The following AGPAT4 variants were observed in gnomAD, a reference collection of about 807,000 sequenced individuals.
The protein encoded by AGPAT4 is 1-acyl-sn-glycerol-3-phosphate acyltransferase delta.
A neutral mutation model predicts 48.0 loss-of-function variants in AGPAT4; 15 were observed. The ratio of observed to expected loss-of-function variants is 0.31; its 90% CI spans 0.21 to 0.48. The LOEUF (loss-of-function observed/expected upper bound fraction) is 0.48. Ranked by LOEUF, AGPAT4 falls within the 20% of genes least tolerant of loss-of-function variation. The pLI is 0.99. For missense variants in AGPAT4, 314 were observed against 482.5 expected (o/e 0.65, Z 3.27); for synonymous variants, 178 against 198.7 (o/e 0.90, Z 0.88).
chr6:161,224,972 G>C (rs142278437), intron 2 of AGPAT4, among the ~76,000 whole-genome samples: 2 of 152,134 alleles, frequency 1.3e-5, no homozygotes, highest in Admixed American at 6.5e-5. Flanking sequence ...AAAGCAACCT[G>C]TTTCGATTAC....
At chr6:161,186,960 A>T (rs1396546864) in intron 2 of AGPAT4, among the ~76,000 whole-genome samples, 2 of 152,098 alleles carry the variant, frequency 1.3e-5, no homozygotes, top group Non-Finnish European at 2.9e-5. Context: ...TCTCTCTTCA[A>T]CTCGCCTGAA....
intron 2 of AGPAT4, among the ~76,000 whole-genome samples, chr6:161,224,173 C>T (rs10455876): frequency 0.11 from 16,157 of 152,122 alleles, 1,126 homozygotes; most frequent in Non-Finnish European, 0.16. Flanking sequence ...TTTGTTGTTG[C>T]TTGTTTGTTT....
At position 161,202,343 on chromosome 6, in the gene AGPAT4, G is replaced by A. The variant is rs1284408378; in HGVS notation, c.178+29693C>T. Among the ~76,000 whole-genome samples the A allele has an allele frequency of 1.3e-5, 2 of 152,002 alleles. No homozygotes were observed. The highest frequency in any genetic ancestry group is 2.9e-5 in the Non-Finnish European group (2 of 68,016). ...TTCCTCTTCTCATGGGCCCGTCTGA[G>A]TGATGCCTGAATGTCTTCATGCTTG... On this transcript the variant is annotated intron_variant, in intron 2 of 8. Transcript: ENST00000320285. The surrounding 1 kb of genome is among the most constrained non-coding windows in gnomAD (Gnocchi z 5.4).
intron 5 of AGPAT4, among the ~76,000 whole-genome samples, chr6:161,150,127 A>G (rs1214866718): frequency 6.6e-6 from 1 of 152,240 alleles, no homozygotes; most frequent in Non-Finnish European, 1.5e-5. Flanking sequence ...GATTGTAGTC[A>G]GTTGAAGCTT....
intron 2 of AGPAT4, among the ~76,000 whole-genome samples, chr6:161,205,222 G>T (rs1199853311): frequency 2.6e-5 from 4 of 152,142 alleles, no homozygotes; most frequent in African/African-American, 9.7e-5. Context: ...CAGAGAGTGG[G>T]CATGCACATC....
intron 2 of AGPAT4, among the ~76,000 whole-genome samples, chr6:161,185,505 T>C (rs1441427237): frequency 2.0e-5 from 3 of 152,182 alleles, no homozygotes; most frequent in African/African-American, 4.8e-5. Context: ...TGTGGGGTGA[T>C]ATTTCATGAC....
intron 2 of AGPAT4, among the ~76,000 whole-genome samples, chr6:161,205,761 T>TAATAACAACAAC (rs71004032): frequency 6.0e-5 from 9 of 149,040 alleles, no homozygotes; most frequent in African/African-American, 2.0e-4. Context: ...ATAATAATAA[T>TAATAACAACAAC]AACAACAAAC....
Position 161,143,983 on chromosome 6 carries a change from C to T in AGPAT4, c.843+2541G>A, listed in dbSNP as rs1779334434. Reference sequence around the variant, plus strand: ...CAACAGAACTGTCTTTTGACATACACCACACTTCTGACTGCAAGGTTGATC... The same window carrying T: ...CAACAGAACTGTCTTTTGACATACATCACACTTCTGACTGCAAGGTTGATC... On this transcript the variant is annotated intron_variant, in intron 7 of 8. Transcript: ENST00000320285. This position sits in a 1 kb window ranked among gnomAD's most constrained non-coding sequence, Gnocchi z 4.7. 3 of 365,388 alleles carry T rather than the reference C, an allele frequency of 8.2e-6. No individual in the cohort carries two copies. Among genetic ancestry groups the T allele is most frequent in the Non-Finnish European group, 1.7e-5 (3 of 179,046 alleles). The allele number at this position is 365,388 out of a possible 1,614,324, so 22.6% of individuals were successfully genotyped here.
In AGPAT4 at chr6:161,240,786, C is replaced by G. The variant is rs970806272; in HGVS notation, c.-89-8484G>C. 6.6e-6 allele frequency among the ~76,000 whole-genome samples: 1 copy of G among 152,170 alleles called. No homozygotes were observed. The highest frequency in any genetic ancestry group is 6.5e-5 in the Admixed American group (1 of 15,274). ...GCCAAAGTCTCCACCAGGGCGGCAACTAACTTGTACAGGTCTGAGGAACGT... is the reference window on the plus strand; with the variant it reads ...GCCAAAGTCTCCACCAGGGCGGCAAGTAACTTGTACAGGTCTGAGGAACGT... On this transcript the variant is annotated intron_variant, in intron 1 of 8. Transcript: ENST00000320285. The surrounding 1 kb of genome is among the most constrained non-coding windows in gnomAD (Gnocchi z 5.5).
Position 161,154,479 on chromosome 6 carries a change from C to A in AGPAT4, c.349-169G>T, listed in dbSNP as rs1779707242. Among the ~76,000 whole-genome samples the A allele has an allele frequency of 6.6e-6, 1 of 152,214 alleles. No homozygotes were observed. Among genetic ancestry groups the A allele is most frequent in the Non-Finnish European group, 1.5e-5 (1 of 68,034 alleles). On this transcript the variant is annotated intron_variant, in intron 3 of 8. Coordinates refer to ENST00000320285, the MANE Select transcript of AGPAT4 (RefSeq NM_020133.3). This position sits in a 1 kb window ranked among gnomAD's most constrained non-coding sequence, Gnocchi z 7.8. Reference sequence around the variant, plus strand: ...CCATGGACCCTGGTGCCCTCCCCACCTTTCAGCTAGAGGTCCAGGTTGTGC... The same window carrying A: ...CCATGGACCCTGGTGCCCTCCCCACATTTCAGCTAGAGGTCCAGGTTGTGC...
In AGPAT4 at chr6:161,155,587, A is replaced by G. The variant is rs1379379787; in HGVS notation, c.349-1277T>C. On this transcript the variant is annotated intron_variant, in intron 3 of 8. Transcript: ENST00000320285. This position sits in a 1 kb window ranked among gnomAD's most constrained non-coding sequence, Gnocchi z 5.8. ...AAAAACAAGAAACTTCTTCCCTCAC[A>G]TGGGATAGAAAAGGCAGATACCTTC... 6.6e-6 allele frequency among the ~76,000 whole-genome samples: 1 copy of G among 152,176 alleles called. No homozygotes were observed. Among genetic ancestry groups the G allele is most frequent in the Admixed American group, 6.5e-5 (1 of 15,284 alleles).
In AGPAT4 at chr6:161,232,008, C is replaced by T. The variant is rs368643268; in HGVS notation, c.178+28G>A. 89 of 1,607,186 alleles carry T rather than the reference C, an allele frequency of 5.5e-5. No homozygotes were observed. In the African/African-American group the frequency reaches 6.3e-4, roughly 11 times the overall value. ...CTGATACACACATCCACAATGGAGA[C>T]GAAAATATAGAATCTTAAGTATCTT... On this transcript the variant is annotated intron_variant, in intron 2 of 8. Coordinates refer to ENST00000320285, the MANE Select transcript of AGPAT4 (RefSeq NM_020133.3). This position sits in a 1 kb window ranked among gnomAD's most constrained non-coding sequence, Gnocchi z 6.8.
chr6:161,214,328 C>G lies in AGPAT4; in HGVS notation c.178+17708G>C, dbSNP rs941426534. On this transcript the variant is annotated intron_variant, in intron 2 of 8. Coordinates refer to ENST00000320285, the MANE Select transcript of AGPAT4 (RefSeq NM_020133.3). The surrounding 1 kb of genome is among the most constrained non-coding windows in gnomAD (Gnocchi z 5.4). ...CACAGGCACACATCCTCAACCTTGA[C>G]AAAATAAACTTTCTAAATTTACTGA... Among the ~76,000 whole-genome samples the G allele has an allele frequency of 6.6e-6, 1 of 152,202 alleles. No individual in the cohort carries two copies. The highest frequency in any genetic ancestry group is 1.5e-5 in the Non-Finnish European group (1 of 68,042).
At position 161,215,847 on chromosome 6, in the gene AGPAT4, A is replaced by G. The variant is rs1230632192; in HGVS notation, c.178+16189T>C. On this transcript the variant is annotated intron_variant, in intron 2 of 8. Transcript: ENST00000320285. The surrounding 1 kb of genome is among the most constrained non-coding windows in gnomAD (Gnocchi z 4.5). ...ATATACCCATTATTTTATTCGTAATACAGCATTACCTTTCAAACTATACAT... is the reference window on the plus strand; with the variant it reads ...ATATACCCATTATTTTATTCGTAATGCAGCATTACCTTTCAAACTATACAT... Among the ~76,000 whole-genome samples, 1 of 152,324 alleles carries G rather than the reference A, an allele frequency of 6.6e-6. No homozygotes were observed. The highest frequency in any genetic ancestry group is 1.9e-4 in the East Asian group (1 of 5,186).
Position 161,143,879 on chromosome 6 carries a change from T to C in AGPAT4, c.843+2645A>G. 3.3e-6 allele frequency: 1 copy of C among 302,114 alleles called. No individual in the cohort carries two copies. The allele number at this position is 302,114 out of a possible 1,614,324, so 18.7% of individuals were successfully genotyped here. The stretch of plus-strand genomic sequence containing the variant: ...CTCTGTTGGCTGCCTGCCATTCCCC[T>C]CCCATTTTGCAGAAACTTTACTTGT... On this transcript the variant is annotated intron_variant, in intron 7 of 8. Transcript: ENST00000320285. This position sits in a 1 kb window ranked among gnomAD's most constrained non-coding sequence, Gnocchi z 4.7.
At chr6:161,210,365 T>C (rs1165515637) in intron 2 of AGPAT4, among the ~76,000 whole-genome samples, 1 of 152,220 alleles carries the variant, frequency 6.6e-6, no homozygotes, top group African/African-American at 2.4e-5. Context: ...TGCCTAGGAT[T>C]GTGAAACAGA....
chr6:161,194,875 A>G (rs1206837781), intron 2 of AGPAT4, among the ~76,000 whole-genome samples: 1 of 152,180 alleles, frequency 6.6e-6, no homozygotes, highest in Non-Finnish European at 1.5e-5. Flanking sequence ...ATTAATGAAT[A>G]AAATGGTTTC....
rs1489191287 is a variant in AGPAT4 at position 161,215,588 on chromosome 6, C to A, written c.178+16448G>T. 6.6e-6 allele frequency among the ~76,000 whole-genome samples: 1 copy of A among 151,998 alleles called. No homozygotes were observed. Among genetic ancestry groups the A allele is most frequent in the Admixed American group, 6.5e-5 (1 of 15,272 alleles). On this transcript the variant is annotated intron_variant, in intron 2 of 8. Coordinates refer to ENST00000320285, the MANE Select transcript of AGPAT4 (RefSeq NM_020133.3). This position sits in a 1 kb window ranked among gnomAD's most constrained non-coding sequence, Gnocchi z 4.5. ...AAATGTATAACAAGCTCTTTTTGAACCTAAAACATTCTAGTCTTTATATTC... is the reference window on the plus strand; with the variant it reads ...AAATGTATAACAAGCTCTTTTTGAAACTAAAACATTCTAGTCTTTATATTC...
rs1782145653 is a variant in AGPAT4, at chr6:161,232,370, C to T, written c.-89-68G>A. On this transcript the variant is annotated intron_variant, in intron 1 of 8. Coordinates refer to ENST00000320285, the MANE Select transcript of AGPAT4 (RefSeq NM_020133.3). The surrounding 1 kb of genome is among the most constrained non-coding windows in gnomAD (Gnocchi z 6.8). ...TGCTTTTAGAGTCAGAAAAAAAGTG[C>T]TCTGAAAAGAAAAATATACACTTGA... 3 of 686,134 alleles carry T rather than the reference C, an allele frequency of 4.4e-6. No homozygotes were observed. Among genetic ancestry groups the T allele is most frequent in the East Asian group, 5.5e-5 (2 of 36,248 alleles). 42.5% of individuals were successfully genotyped at this position (686,134 alleles called of 1,614,324 possible). A position where few individuals can be genotyped will look rare whatever the true frequency, so the allele number is the denominator to read the frequency against.
Sources: allele counts gnomAD v4.1 joint callset (sites outside exome capture counted in the v4.1 genomes callset), GRCh38; gene constraint gnomAD v4.1.1; non-coding constraint Gnocchi (gnomAD v3.1); transcripts MANE v1.5; gene names NCBI Gene and HGNC (gene_info 2026-07-23, HGNC 2026-07-21).